The following ADAMTSL2 variants were observed in gnomAD, a reference collection of about 807,000 sequenced individuals.
ADAMTSL2 encodes ADAMTS like 2.
ADAMTSL2 carries 55 observed loss-of-function variants against 117.0 expected under a neutral mutation model. The observed-to-expected ratio is 0.47, with a 90% CI of 0.38 to 0.59. The LOEUF (loss-of-function observed/expected upper bound fraction) is 0.59, where lower values mean the gene tolerates loss of function less well. ADAMTSL2 is among the 20% of genes least tolerant of loss of function. The pLI, the probability that ADAMTSL2 is intolerant of heterozygous loss-of-function variation, is 0.00. For missense variants in ADAMTSL2, 1,182 were observed against 1,354.5 expected, an observed-to-expected ratio of 0.87 and a Z score of 2.00; for synonymous variants, 572 against 566.4, an observed-to-expected ratio of 1.01 and a Z score of -0.14.
In ADAMTSL2 at chr9:133,536,791, A is replaced by G. The variant is rs1291403658; in HGVS notation, c.79A>G (p.Thr27Ala). The stretch of plus-strand genomic sequence containing the variant: ...AGTTGTAGCTGGGGACACAGTGTCA[A>G]CCGGGTCCACGGTGAGTGGGGTGTT... The part of the protein sequence containing the change: ...LAVVAGDTVS[T>A]GSTDNSPTSN... Residue 27 changes from threonine to alanine, a missense_variant, in exon 2 of 19, where the codon ACC (threonine) becomes GCC (alanine). Thr to Ala is a moderately conservative substitution (Grantham distance 58). This residue lies in a region of ADAMTSL2 where 372 missense variants were observed against 463.4 expected (regional missense o/e 0.80). Coordinates refer to ENST00000651351, the MANE Select transcript of ADAMTSL2 (RefSeq NM_014694.4). 1.9e-6 allele frequency: 3 copies of G among 1,614,076 alleles called. No individual in the cohort carries two copies. The highest frequency in any genetic ancestry group is 2.7e-5 in the African/African-American group (2 of 74,936).
Position 133,555,553 on chromosome 9 carries a change from T to C in ADAMTSL2, c.1277-5T>C. On this transcript the variant is annotated splice_polypyrimidine_tract_variant and splice_region_variant and intron_variant, in intron 10 of 18. Transcript: ENST00000651351. ...CCACGGTTGAGCCACCTGTCTCCTCTCCAGACCGCAACGTCACGGGGACTC... is the reference window on the plus strand; with the variant it reads ...CCACGGTTGAGCCACCTGTCTCCTCCCCAGACCGCAACGTCACGGGGACTC... 2 of 1,612,922 alleles carry C rather than the reference T, an allele frequency of 1.2e-6. No individual in the cohort carries two copies. The highest frequency in any genetic ancestry group is 8.5e-7 in the Non-Finnish European group (1 of 1,180,000).
chr9:133,540,031 C>T (rs758020182), intron 5 of ADAMTSL2, among the ~76,000 whole-genome samples, 158 bp downstream of exon 5: 1 of 152,154 alleles, frequency 6.6e-6, no homozygotes, highest in African/African-American at 2.4e-5. Flanking sequence ...TGAGCCCTGG[C>T]CCAGGGGTCT....
intron 17 of ADAMTSL2, among the ~76,000 whole-genome samples, chr9:133,572,676 T>TG (rs1831135342): frequency 6.6e-6 from 1 of 152,138 alleles, no homozygotes; most frequent in Non-Finnish European, 1.5e-5. Context: ...CCTGGGGTGC[T>TG]GGGGAGGAGC....
At chr9:133,572,547 G>A (rs565222334) in intron 17 of ADAMTSL2, among the ~76,000 whole-genome samples, 1 of 152,112 alleles carries the variant, frequency 6.6e-6, no homozygotes, top group Admixed American at 6.5e-5. Context: ...AGCTTCAGAT[G>A]GGGGGGCCAC....
chr9:133,549,563 T>A (rs2131125859), intron 9 of ADAMTSL2, among the ~76,000 whole-genome samples: 1 of 114,102 alleles, frequency 8.8e-6, no homozygotes, highest in Non-Finnish European at 1.8e-5. Flanking sequence ...TTTTTTTTTT[T>A]AAGTAGAGAG....
Position 133,554,290 on chromosome 9 carries a change from A to C in ADAMTSL2, c.940-67A>C. On this transcript the variant is annotated intron_variant, in intron 9 of 18. Transcript: ENST00000651351. The surrounding 1 kb of genome is among the most constrained non-coding windows in gnomAD (Gnocchi z 5.2). Reference sequence around the variant, plus strand: ...GAACGCACCCTGCAGCTCTGTGGGAAGGGGATTGGTGGGGAAGGGGCTGGA... The same window carrying C: ...GAACGCACCCTGCAGCTCTGTGGGACGGGGATTGGTGGGGAAGGGGCTGGA... The C allele has an allele frequency of 7.2e-7, 1 of 1,386,446 alleles. No homozygotes were observed. The highest frequency in any genetic ancestry group is 9.8e-7 in the Non-Finnish European group (1 of 1,022,458). 85.9% of individuals were successfully genotyped at this position (1,386,446 alleles called of 1,614,324 possible). A position where few individuals can be genotyped will look rare whatever the true frequency, so the allele number is the denominator to read the frequency against.
intron 11 of ADAMTSL2, among the ~76,000 whole-genome samples, chr9:133,559,270 C>T (rs1830673135): frequency 6.6e-6 from 1 of 152,156 alleles, no homozygotes; most frequent in African/African-American, 2.4e-5. Context: ...CTGAGTGGCC[C>T]CCATTGGGGC....
At position 133,574,258 on chromosome 9, in the gene ADAMTSL2, C is replaced by G. The variant is rs1330331609; in HGVS notation, c.2737+271C>G. Among the ~76,000 whole-genome samples the G allele has an allele frequency of 2.6e-5, 4 of 152,196 alleles. No individual in the cohort carries two copies. The East Asian group carries it at 7.7e-4, about 29-fold the overall frequency. ...GAGACCTGTACTTTGGGAAAAGGGT[C>G]AGCTTCAGATGGCAGGGCCACTGTG... On this transcript the variant is annotated intron_variant, in intron 18 of 18. Coordinates refer to ENST00000651351, the MANE Select transcript of ADAMTSL2 (RefSeq NM_014694.4).
intron 12 of ADAMTSL2, among the ~76,000 whole-genome samples, chr9:133,566,371 G>C (rs970386880): frequency 1.3e-5 from 2 of 152,230 alleles, no homozygotes; most frequent in African/African-American, 2.4e-5. Context: ...AACCCAGGAG[G>C]GGGAGGTTGC....
At position 133,539,968 on chromosome 9, in the gene ADAMTSL2, G is replaced by T. The variant is rs1830172050; in HGVS notation, c.412+95G>T. The T allele has an allele frequency of 3.3e-6, 4 of 1,196,654 alleles. No individual in the cohort carries two copies. In the African/African-American group the frequency reaches 6.0e-5, roughly 18 times the overall value. The allele number at this position is 1,196,654 out of a possible 1,614,324, so 74.1% of individuals were successfully genotyped here. A position where few individuals can be genotyped will look rare whatever the true frequency, so the allele number is the denominator to read the frequency against. ...TGGGACCAAACTCGACGGGTGGGCAGGTGGGGAAATGGAGGTGGTCAGACG... is the reference window on the plus strand; with the variant it reads ...TGGGACCAAACTCGACGGGTGGGCATGTGGGGAAATGGAGGTGGTCAGACG... On this transcript the variant is annotated intron_variant, in intron 5 of 18. Transcript: ENST00000651351.
intron 17 of ADAMTSL2, among the ~76,000 whole-genome samples, chr9:133,573,215 C>T (rs1831152284): frequency 6.6e-6 from 1 of 152,214 alleles, no homozygotes; most frequent in South Asian, 2.1e-4. Context: ...GTGAGGGAGC[C>T]ACCGCCTGTG....
chr9:133,538,846 GC>G (rs908211078), intron 4 of ADAMTSL2, among the ~76,000 whole-genome samples: 29 of 152,122 alleles, frequency 1.9e-4, no homozygotes, highest in African/African-American at 6.3e-4. Flanking sequence ...TGCTCTCGGA[GC>G]CCTTCTGCTC....
chr9:133,571,393 C>CT (rs1831103629), intron 17 of ADAMTSL2, among the ~76,000 whole-genome samples: 1 of 152,192 alleles, frequency 6.6e-6, no homozygotes, highest in Admixed American at 6.5e-5. Context: ...CCAAGGGGCC[C>CT]TGGGCAGGGA....
At chr9:133,540,087 G>A (rs139920225) in intron 5 of ADAMTSL2, among the ~76,000 whole-genome samples, 1 of 152,248 alleles carries the variant, frequency 6.6e-6, no homozygotes, top group East Asian at 1.9e-4. Context: ...ACAGATTACG[G>A]GACTGAGTTC....
At chr9:133,559,915 G>A (rs2131150951) in intron 11 of ADAMTSL2, among the ~76,000 whole-genome samples, 1 of 152,332 alleles carries the variant, frequency 6.6e-6, no homozygotes, top group Admixed American at 6.5e-5. Flanking sequence ...GCTCCTGTGG[G>A]TAGATCATTC....
intron 9 of ADAMTSL2, among the ~76,000 whole-genome samples, chr9:133,550,616 T>C (rs1830459797): frequency 6.6e-6 from 1 of 152,142 alleles, no homozygotes; most frequent in Non-Finnish European, 1.5e-5. Context: ...TCTGATGTGA[T>C]CAGCTTGTCA....
intron 8 of ADAMTSL2, 118 bp downstream of exon 8, chr9:133,544,668 G>A: frequency 1.1e-6 from 1 of 918,842 alleles, no homozygotes; most frequent in Non-Finnish European, 1.8e-6. Flanking sequence ...ATGGACCAGT[G>A]CTGTGGGCAT....
chr9:133,534,551 T>G, upstream of ADAMTSL2: 3 of 901,760 alleles, frequency 3.3e-6, no homozygotes, highest in South Asian at 5.7e-5. Context: ...AACAGGCAGC[T>G]GGGCCGGCCT....
In ADAMTSL2 at chr9:133,568,340, C is replaced by A; in HGVS notation, c.1942C>A (p.Arg648Ser). Reference protein sequence around the residue: ...CGEGYQFRVVRCWKMLSPGFD... With the variant: ...CGEGYQFRVVSCWKMLSPGFD... ...AGAGGGCTACCAGTTCCGCGTCGTG[C>A]GCTGCTGGAAGATGCTCTCGCCCGG... is the stretch of plus-strand genomic sequence containing the variant. The change falls in exon 14 of 19, where the codon CGC becomes AGC. Residue 648 changes from arginine (R) to serine (S), a missense_variant. Physicochemically the swap from Arg to Ser is moderately radical, Grantham distance 110. This residue lies in a region of ADAMTSL2 where 465 missense variants were observed against 565.3 expected (regional missense o/e 0.82). Coordinates refer to ENST00000651351, the MANE Select transcript of ADAMTSL2 (RefSeq NM_014694.4). 1 of 1,588,778 alleles carries A rather than the reference C, an allele frequency of 6.3e-7. No individual in the cohort carries two copies.
Sources: allele counts gnomAD v4.1 joint callset (sites outside exome capture counted in the v4.1 genomes callset), GRCh38; gene constraint gnomAD v4.1.1; regional missense constraint gnomAD v4.1.1; non-coding constraint Gnocchi (gnomAD v3.1); transcripts MANE v1.5; gene names NCBI Gene and HGNC (gene_info 2026-07-23, HGNC 2026-07-21).